The following THSD7B variants were observed in gnomAD, a reference collection of about 807,000 sequenced individuals.
THSD7B encodes thrombospondin type 1 domain containing 7B.
A neutral mutation model predicts 213.6 loss-of-function variants in THSD7B; 138 were observed. The ratio of observed to expected loss-of-function variants is 0.65; its 90% CI spans 0.56 to 0.74. The LOEUF is 0.74. Ranked by LOEUF, THSD7B falls within the 30% of genes least tolerant of loss-of-function variation. The pLI is 0.00. For synonymous variants in THSD7B, 742 were observed against 687.0 expected, an observed-to-expected ratio of 1.08 and a Z score of -1.25; for missense variants, 1,931 against 1,991.5, an observed-to-expected ratio of 0.97 and a Z score of 0.58.
chr2:136,796,973 T>C (rs1187823644), intron 1 of THSD7B, among the ~76,000 whole-genome samples: 5 of 112,780 alleles, frequency 4.4e-5, no homozygotes, highest in African/African-American at 1.5e-4. Flanking sequence ...AGTGATATCA[T>C]ATTTGATCAC....
chr2:136,882,437 T>G (rs1573686968), intron 2 of THSD7B, 120 bp downstream of exon 2: 1 of 14,146 alleles, frequency 7.1e-5, no homozygotes, highest in Non-Finnish European at 1.4e-4. Flanking sequence ...AAATAGACTC[T>G]TTTTTTTAAA....
chr2:137,037,689 T>C (rs1686803387), intron 2 of THSD7B, among the ~76,000 whole-genome samples: 2 of 152,226 alleles, frequency 1.3e-5, no homozygotes, highest in African/African-American at 4.8e-5. Context: ...TGGATTTATT[T>C]GGCTAAAGTA....
chr2:137,101,802 C>T (rs530828865), intron 4 of THSD7B, among the ~76,000 whole-genome samples: 23 of 152,272 alleles, frequency 1.5e-4, no homozygotes, highest in Non-Finnish European at 1.3e-4. Flanking sequence ...AGTCCACCAC[C>T]GCGCCACAAA....
chr2:137,457,564 T>G (rs1687787245), intron 15 of THSD7B, among the ~76,000 whole-genome samples: 1 of 152,184 alleles, frequency 6.6e-6, no homozygotes, highest in Non-Finnish European at 1.5e-5. Flanking sequence ...TAGCATTAGC[T>G]TCAACAGGAA....
intron 12 of THSD7B, among the ~76,000 whole-genome samples, chr2:137,308,031 C>T (rs925758759): frequency 1.3e-5 from 2 of 151,926 alleles, no homozygotes; most frequent in Non-Finnish European, 2.9e-5. Context: ...CAATCTATCC[C>T]GATGCTCTTA....
Position 137,074,486 on chromosome 2 carries a change from T to C in THSD7B, c.950+17256T>C, listed in dbSNP as rs550609046. ...TTTTGAGCCCATGTGTGTCCCTGCA[T>C]GTGAGATGGGTTTCCTGAATAGAGC... On this transcript the variant is annotated intron_variant, in intron 3 of 27. Transcript: ENST00000409968. Among the ~76,000 whole-genome samples, 17 of 152,330 alleles carry C rather than the reference T, an allele frequency of 1.1e-4. No homozygotes were observed. The South Asian group carries it at 1.9e-3, about 17-fold the overall frequency.
At chr2:136,796,241 A>AAAGT (rs1045941551) in intron 1 of THSD7B, among the ~76,000 whole-genome samples, 1 of 152,006 alleles carries the variant, frequency 6.6e-6, no homozygotes, top group African/African-American at 2.4e-5. Flanking sequence ...ATGAGGGAGA[A>AAAGT]AAGTTAAAGA....
intron 2 of THSD7B, among the ~76,000 whole-genome samples, chr2:136,973,457 T>C (rs947314745): frequency 6.6e-6 from 1 of 152,176 alleles, no homozygotes; most frequent in Non-Finnish European, 1.5e-5. Flanking sequence ...TTTCTGCACT[T>C]TTTTTCTTAT....
At chr2:137,666,079 T>A (rs1683440711) in intron 26 of THSD7B, among the ~76,000 whole-genome samples, 1 of 152,136 alleles carries the variant, frequency 6.6e-6, no homozygotes. Flanking sequence ...TTATCTTTTT[T>A]AATAGTTAGA....
At chr2:136,929,798 G>A (rs1165517680) in intron 2 of THSD7B, among the ~76,000 whole-genome samples, 1 of 152,164 alleles carries the variant, frequency 6.6e-6, no homozygotes, top group Non-Finnish European at 1.5e-5. Context: ...TGAAGCTGTT[G>A]TAAACATGTG....
At chr2:137,351,357 T>C (rs1685010260) in intron 12 of THSD7B, among the ~76,000 whole-genome samples, 1 of 151,992 alleles carries the variant, frequency 6.6e-6, no homozygotes, top group Non-Finnish European at 1.5e-5. Context: ...GGATGTCCTA[T>C]ATGTTCAGCA....
chr2:136,776,357 G>T (rs922117839), intron 1 of THSD7B, among the ~76,000 whole-genome samples: 2 of 151,958 alleles, frequency 1.3e-5, no homozygotes, highest in Non-Finnish European at 1.5e-5. Flanking sequence ...AGGAACCTAG[G>T]GGTTAAGATT....
chr2:137,660,113 A>T (rs2104820670), intron 25 of THSD7B, among the ~76,000 whole-genome samples: 1 of 152,252 alleles, frequency 6.6e-6, no homozygotes, highest in East Asian at 1.9e-4. Flanking sequence ...TGCAAATTGT[A>T]TTACACTATG....
At position 136,807,509 on chromosome 2, in the gene THSD7B, G is replaced by GTTTTTTTT. The variant is rs777353589; in HGVS notation, c.-36+41831_-36+41838dup. On this transcript the variant is annotated intron_variant, in intron 1 of 27. Transcript: ENST00000409968. ...ACTTCCTAGCACTACAAAATGTTTC[G>GTTTTTTTT]TTTTTTTTTTTTTTTTGAGACGGAG... Among the ~76,000 whole-genome samples, 128 of 104,878 alleles carry GTTTTTTTT rather than the reference G, an allele frequency of 1.2e-3. 27 individuals carry two copies. Among genetic ancestry groups the GTTTTTTTT allele is most frequent in the East Asian group, 3.1e-3 (10 of 3,228 alleles). The allele number at this position is 104,878 out of a possible 152,430, so 68.8% of individuals were successfully genotyped here.
chr2:137,324,444 C>G (rs951612088), intron 12 of THSD7B, among the ~76,000 whole-genome samples: 1 of 146,342 alleles, frequency 6.8e-6, no homozygotes, highest in South Asian at 2.3e-4. Flanking sequence ...TTATTTCATT[C>G]AATCAAAAAT....
intron 2 of THSD7B, among the ~76,000 whole-genome samples, chr2:137,026,027 A>G (rs1259042253): frequency 6.6e-6 from 1 of 152,198 alleles, no homozygotes; most frequent in Admixed American, 6.5e-5. Flanking sequence ...AGCAATGCTC[A>G]GTTCTTTCCA....
intron 14 of THSD7B, among the ~76,000 whole-genome samples, chr2:137,424,023 A>G (rs1225454892): frequency 6.6e-6 from 1 of 152,130 alleles, no homozygotes. Flanking sequence ...TTTATGCTCA[A>G]TTGATTTTCA....
At chr2:136,870,352 T>C (rs1312860287) in intron 1 of THSD7B, among the ~76,000 whole-genome samples, 1 of 152,206 alleles carries the variant, frequency 6.6e-6, no homozygotes, top group South Asian at 2.1e-4. Flanking sequence ...TATTTAAAAG[T>C]TGACTCAATA....
chr2:137,167,395 G>A (rs1214230441), intron 6 of THSD7B, among the ~76,000 whole-genome samples: 3 of 151,756 alleles, frequency 2.0e-5, no homozygotes, highest in African/African-American at 4.8e-5. Context: ...TAGAGATGGA[G>A]TTTTACCATA....
Sources: allele counts gnomAD v4.1 joint callset (sites outside exome capture counted in the v4.1 genomes callset), GRCh38; gene constraint gnomAD v4.1.1; transcripts MANE v1.5; gene names NCBI Gene and HGNC (gene_info 2026-07-23, HGNC 2026-07-21).